The following ATRNL1 variants were observed in gnomAD, a reference collection of about 807,000 sequenced individuals.
ATRNL1 encodes the protein attractin-like protein 1.
Under a neutral mutation model 182.7 loss-of-function variants are expected in ATRNL1, and 95 were observed. That is an observed-to-expected ratio of 0.52 (90% confidence interval 0.44 to 0.62). ATRNL1 has a LOEUF of 0.62. Ranked by LOEUF, ATRNL1 falls within the 20% of genes least tolerant of loss-of-function variation. The pLI is 0.00. For synonymous variants in ATRNL1, 576 were observed against 568.3 expected (o/e 1.01, Z -0.19); for missense variants, 1,471 against 1,679.5 (o/e 0.88, Z 2.17).
At chr10:115,386,395 C>T (rs552459089) in intron 19 of ATRNL1, among the ~76,000 whole-genome samples, 11 of 152,220 alleles carry the variant, frequency 7.2e-5, no homozygotes, top group South Asian at 2.1e-4. Context: ...GACCTGGCGA[C>T]GGATGAATAA....
chr10:115,423,498 A>C (rs1255743092), intron 20 of ATRNL1, among the ~76,000 whole-genome samples: 1 of 152,208 alleles, frequency 6.6e-6, no homozygotes, highest in Non-Finnish European at 1.5e-5. Context: ...ACTGTATTCC[A>C]GCCTGGGCAA....
chr10:115,390,453 T>TAAA (rs1843960976), intron 19 of ATRNL1, among the ~76,000 whole-genome samples: 1 of 152,212 alleles, frequency 6.6e-6, no homozygotes, highest in Non-Finnish European at 1.5e-5. Context: ...TTCTCCATTG[T>TAAA]GTGTTCTTGA....
rs372522109 is a variant in ATRNL1 at position 115,598,724 on chromosome 10, G to T, written c.3795+49188G>T. The stretch of plus-strand genomic sequence containing the variant: ...ATGTCTTTTAAAAAGTGAGAAGAGT[G>T]GCTTTGTTTCACTCTTAATAAGTTT... On this transcript the variant is annotated intron_variant, in intron 26 of 28. Transcript: ENST00000355044. Among the ~76,000 whole-genome samples, 39 of 152,118 alleles carry T rather than the reference G, an allele frequency of 2.6e-4. 1 individual carries two copies. In the South Asian group the frequency reaches 7.9e-3, roughly 31 times the overall value.
intron 26 of ATRNL1, among the ~76,000 whole-genome samples, chr10:115,691,838 C>A (rs116256692): frequency 6.6e-6 from 1 of 151,790 alleles, no homozygotes; most frequent in Non-Finnish European, 1.5e-5. Context: ...ATTAAGTTGT[C>A]GATTTTGTTT....
intron 27 of ATRNL1, among the ~76,000 whole-genome samples, chr10:115,755,094 A>G (rs182602623): frequency 1.3e-5 from 2 of 152,296 alleles, no homozygotes; most frequent in South Asian, 2.1e-4. Flanking sequence ...TTTCCTAAAT[A>G]TACAATCATG....
At chr10:115,669,897 G>T (rs1399885632) in intron 26 of ATRNL1, among the ~76,000 whole-genome samples, 2 of 151,962 alleles carry the variant, frequency 1.3e-5, no homozygotes, top group African/African-American at 4.8e-5. Flanking sequence ...ACAAGAAAAG[G>T]TGTTATTACT....
At chr10:115,795,627 G>A (rs2134221893) in intron 27 of ATRNL1, among the ~76,000 whole-genome samples, 1 of 152,258 alleles carries the variant, frequency 6.6e-6, no homozygotes, top group South Asian at 2.1e-4. Flanking sequence ...TTACAATCAT[G>A]GTGGAAGGCT....
chr10:115,311,665 T>C (rs565097950), intron 17 of ATRNL1, among the ~76,000 whole-genome samples: 25 of 152,282 alleles, frequency 1.6e-4, no homozygotes, highest in Non-Finnish European at 3.1e-4. Flanking sequence ...CAGTGTTTCT[T>C]TGATGACTTT....
chr10:115,222,555 C>A (rs1849509584), intron 9 of ATRNL1, among the ~76,000 whole-genome samples: 1 of 151,896 alleles, frequency 6.6e-6, no homozygotes, highest in African/African-American at 2.4e-5. Flanking sequence ...AATTTCAAAG[C>A]AGATAGAGGA....
intron 9 of ATRNL1, among the ~76,000 whole-genome samples, chr10:115,219,190 C>T (rs553713915): frequency 6.6e-6 from 1 of 150,568 alleles, no homozygotes; most frequent in Non-Finnish European, 1.5e-5. Context: ...TGAGATCGCG[C>T]CACTGCACTC....
intron 28 of ATRNL1, among the ~76,000 whole-genome samples, chr10:115,895,113 A>G (rs1441130206): frequency 1.3e-5 from 2 of 152,238 alleles, no homozygotes; most frequent in Admixed American, 1.3e-4. Context: ...TTGCCATTAT[A>G]TTGGTAATGC....
intron 24 of ATRNL1, 66 bp from the exon 25 acceptor site, chr10:115,519,197 C>G: frequency 7.7e-7 from 1 of 1,294,058 alleles, no homozygotes; most frequent in East Asian, 2.4e-5. Flanking sequence ...TTACAAATGT[C>G]ATGAAATATC....
At chr10:115,643,262 G>C (rs1317443400) in intron 26 of ATRNL1, among the ~76,000 whole-genome samples, 1 of 152,120 alleles carries the variant, frequency 6.6e-6, no homozygotes, top group African/African-American at 2.4e-5. Flanking sequence ...TGGAACAATT[G>C]GGTATAAATA....
chr10:115,764,226 C>T (rs1165960527), intron 27 of ATRNL1, among the ~76,000 whole-genome samples: 1 of 152,080 alleles, frequency 6.6e-6, no homozygotes, highest in African/African-American at 2.4e-5. Flanking sequence ...TACCTCCTGC[C>T]TCTGCATGCA....
intron 8 of ATRNL1, among the ~76,000 whole-genome samples, chr10:115,196,626 G>A (rs1169000623): frequency 6.6e-6 from 1 of 151,878 alleles, no homozygotes; most frequent in Non-Finnish European, 1.5e-5. Context: ...CAATATACTG[G>A]TGTTGTACAT....
intron 26 of ATRNL1, among the ~76,000 whole-genome samples, chr10:115,644,723 G>C (rs1011769464): frequency 2.6e-5 from 4 of 152,110 alleles, no homozygotes; most frequent in African/African-American, 9.7e-5. Context: ...AATGCTGACT[G>C]TTATTATGCC....
intron 5 of ATRNL1, among the ~76,000 whole-genome samples, chr10:115,139,310 C>T (rs1322793247): frequency 9.2e-5 from 14 of 152,154 alleles, no homozygotes; most frequent in Non-Finnish European, 1.6e-4. Flanking sequence ...TCTTTTCAGC[C>T]GCGCTCCACT....
At chr10:115,703,113 A>G (rs1946789817) in intron 26 of ATRNL1, among the ~76,000 whole-genome samples, 1 of 152,012 alleles carries the variant, frequency 6.6e-6, no homozygotes, top group Non-Finnish European at 1.5e-5. Context: ...CCACACACTT[A>G]TGGCCCTGTG....
chr10:115,621,935 G>T (rs1265355744), intron 26 of ATRNL1, among the ~76,000 whole-genome samples: 1 of 152,176 alleles, frequency 6.6e-6, no homozygotes, highest in Non-Finnish European at 1.5e-5. Context: ...AATAAAGTCA[G>T]CAGGAAACAT....
Sources: gnomAD v4.1 joint callset for allele counts (sites outside exome capture counted in the v4.1 genomes callset) on GRCh38, gnomAD v4.1.1 for gene constraint, MANE v1.5 for transcripts, NCBI Gene and HGNC (gene_info 2026-07-23, HGNC 2026-07-21) for gene names.